The following COL16A1 variants were observed in gnomAD, a reference collection of about 807,000 sequenced individuals.
COL16A1 encodes collagen type XVI alpha 1 chain.
COL16A1 carries 189 observed loss-of-function variants against 266.3 expected under a neutral mutation model. The ratio of observed to expected loss-of-function variants is 0.71; its 90% CI spans 0.63 to 0.80. The LOEUF (loss-of-function observed/expected upper bound fraction) is 0.80. COL16A1 is among the 30% of genes least tolerant of loss of function. COL16A1 has a pLI of 0.00. For missense variants in COL16A1, 1,928 were observed against 2,122.4 expected, an observed-to-expected ratio of 0.91 and a Z score of 1.80; for synonymous variants, 740 against 782.3, an observed-to-expected ratio of 0.95 and a Z score of 0.90.
At chr1:31,682,194 T>C (rs1643695279) in intron 37 of COL16A1, among the ~76,000 whole-genome samples, 1 of 152,194 alleles carries the variant, frequency 6.6e-6, no homozygotes, top group South Asian at 2.1e-4. Context: ...AGGTCTTTGA[T>C]GATTAAAAAT....
chr1:31,654,767 T>G (rs766532682), intron 68 of COL16A1, 25 bp downstream of exon 68: 10 of 1,614,006 alleles, frequency 6.2e-6, no homozygotes, highest in Non-Finnish European at 7.6e-6. Flanking sequence ...CAGCACCCAC[T>G]GCCACCCAGC....
In COL16A1 at chr1:31,668,136, C is replaced by T. The variant is rs2292988; in HGVS notation, c.3303+29G>A. On this transcript the variant is annotated intron_variant, in intron 51 of 70. Transcript: ENST00000373672. This position sits in a 1 kb window ranked among gnomAD's most constrained non-coding sequence, Gnocchi z 5.8. ...GCCCAAACCTCTGGTACCTGGCACC[C>T]ACTCCCCAGCAAGGGTCCCCTTACT... 554,089 of 1,590,786 alleles carry T rather than the reference C, an allele frequency of 0.35. 101,478 individuals carry two copies. Among genetic ancestry groups the T allele is most frequent in the East Asian group, 0.63 (27,860 of 44,376 alleles).
In COL16A1 at chr1:31,663,989, G is replaced by C. The variant is rs901801741; in HGVS notation, c.3555+1183C>G. On this transcript the variant is annotated intron_variant, in intron 56 of 70. Coordinates refer to ENST00000373672, the MANE Select transcript of COL16A1 (RefSeq NM_001856.4). This position sits in a 1 kb window ranked among gnomAD's most constrained non-coding sequence, Gnocchi z 4.9. Reference sequence around the variant, plus strand: ...ACCCAGCAAAGGGGAAAATGAACTCGGGGGCTCTGTAATGCCACCAGCCAC... The same window carrying C: ...ACCCAGCAAAGGGGAAAATGAACTCCGGGGCTCTGTAATGCCACCAGCCAC... Among the ~76,000 whole-genome samples, 1 of 152,150 alleles carries C rather than the reference G, an allele frequency of 6.6e-6. No individual in the cohort carries two copies. The highest frequency in any genetic ancestry group is 1.5e-5 in the Non-Finnish European group (1 of 68,008).
At chr1:31,689,991 C>A (rs1324630737) in intron 22 of COL16A1, 140 bp from the exon 23 acceptor site, 1 of 693,534 alleles carries the variant, frequency 1.4e-6, no homozygotes. Flanking sequence ...AGCAGGAATG[C>A]CGCTGGGGCT....
Position 31,675,322 on chromosome 1 carries a change from G to A in COL16A1, c.2773-11C>T, listed in dbSNP as rs770826996. On this transcript the variant is annotated splice_polypyrimidine_tract_variant and intron_variant, in intron 42 of 70. Transcript: ENST00000373672. ...GTTTCCAGGCACTCCCTGTAGCCAA[G>A]AAGAGACACGAGTGAGTGGGCTCCA... 1 of 1,613,202 alleles carries A rather than the reference G, an allele frequency of 6.2e-7. No homozygotes were observed. The highest frequency in any genetic ancestry group is 8.5e-7 in the Non-Finnish European group (1 of 1,179,692).
Position 31,661,109 on chromosome 1 carries a change from CCA to C in COL16A1, c.3780_3781del (p.Cys1260TrpfsTer17). The C allele has an allele frequency of 1.3e-6, 2 of 1,564,114 alleles. No individual in the cohort carries two copies. Among genetic ancestry groups the C allele is most frequent in the Non-Finnish European group, 1.7e-6 (2 of 1,153,224 alleles). On this transcript the variant is annotated frameshift_variant, in exon 61 of 71. Transcript: ENST00000373672. LOFTEE classifies it high-confidence loss of function. ...AGTGCTGCCAGGGGGACCTGGTTTGCCACAGTCACCCTAGAAGAGAGAGGAGC... is the reference window on the plus strand; with the variant it reads ...AGTGCTGCCAGGGGGACCTGGTTTGCCAGTCACCCTAGAAGAGAGAGGAGC...
In COL16A1 at chr1:31,680,904, CCTT is replaced by C. The variant is rs1212487726; in HGVS notation, c.2608_2610del (p.Lys870del). On this transcript the variant is annotated inframe_deletion and splice_region_variant, in exon 39 of 71. Transcript: ENST00000373672. ...ATGGGTCACAGGCCCTTGGAACTCA[CCTT>C]CTCTCCTCGTGGTCCTTTTTCACCC... 1.2e-6 allele frequency: 2 copies of C among 1,614,078 alleles called. No homozygotes were observed. The highest frequency in any genetic ancestry group is 3.3e-5 in the Admixed American group (2 of 60,012).
At chr1:31,665,696 G>T in intron 54 of COL16A1, 78 bp from the exon 55 acceptor site, 1 of 1,594,252 alleles carries the variant, frequency 6.3e-7, no homozygotes, top group African/African-American at 1.3e-5. Context: ...AAGAGTGACG[G>T]GGGGGGCACC....
intron 23 of COL16A1, 92 bp from the exon 24 acceptor site, chr1:31,689,177 C>A (rs777363377): frequency 8.2e-6 from 13 of 1,591,716 alleles, no homozygotes; most frequent in African/African-American, 5.4e-5. Context: ...ATGTCACACA[C>A]GCAAACCGTC....
intron 57 of COL16A1, 77 bp from the exon 58 acceptor site, chr1:31,662,464 A>C (rs1414522773): frequency 6.4e-7 from 1 of 1,568,874 alleles, no homozygotes; most frequent in African/African-American, 1.4e-5. Flanking sequence ...CAACCCCTCA[A>C]TTCTCTCCAC....
intron 42 of COL16A1, among the ~76,000 whole-genome samples, chr1:31,678,925 A>G (rs1029118599): frequency 2.0e-5 from 3 of 152,000 alleles, no homozygotes; most frequent in African/African-American, 4.8e-5. Flanking sequence ...TTCCCTCACT[A>G]TCTCTGGCTT....
Position 31,679,821 on chromosome 1 carries a change from A to G in COL16A1, c.2701T>C (p.Trp901Arg). ...GAPGLWMGSS[W>R]QPGPQGPPGI... ...CGACACACCTGCGGGCCCGGCTGCC[A>G]GGAGCTGCCCATCCAAAGTCCCGGA... Residue 901 changes from tryptophan to arginine, a missense_variant, in exon 41 of 71, where the codon TGG becomes CGG. Transcript: ENST00000373672. The G allele has an allele frequency of 6.5e-7, 1 of 1,546,570 alleles. No individual in the cohort carries two copies. The highest frequency in any genetic ancestry group is 8.7e-7 in the Non-Finnish European group (1 of 1,148,776).
Position 31,684,623 on chromosome 1 carries a change from G to T in COL16A1, c.2060C>A (p.Ala687Asp). 1 of 1,613,868 alleles carries T rather than the reference G, an allele frequency of 6.2e-7. No homozygotes were observed. The highest frequency in any genetic ancestry group is 8.5e-7 in the Non-Finnish European group (1 of 1,179,938). The change falls in exon 31 of 71, where the codon GCT becomes GAT. Residue 687 changes from alanine (A) to aspartate (D), a missense_variant. By Grantham distance (126) the Ala-to-Asp change is moderately radical (BLOSUM62 -2). This residue lies in a region of COL16A1 where 1,552 missense variants were observed against 1,637.2 expected (regional missense o/e 0.95). Coordinates refer to ENST00000373672, the MANE Select transcript of COL16A1 (RefSeq NM_001856.4). ...ERGLKGQKGD[A>D]GNPGDPGTPG... ...CGTTCCAGGGTCTCCAGGATTCCCA[G>T]CATCACCCTGTAAGGAGTGGGGTTC...
At chr1:31,653,775 A>C (rs1640850609) in intron 69 of COL16A1, 92 bp downstream of exon 69, 1 of 1,569,836 alleles carries the variant, frequency 6.4e-7, no homozygotes, top group Non-Finnish European at 8.7e-7. Context: ...ACACACACAC[A>C]TACATCCCAT....
chr1:31,683,988 G>A lies in COL16A1; in HGVS notation c.2299C>T (p.Pro767Ser), dbSNP rs1259780375. The change falls in exon 33 of 71, where the codon CCA (proline) becomes TCA (serine). Residue 767 changes from proline (P) to serine (S), a missense_variant. This residue lies in a region of COL16A1 where 1,552 missense variants were observed against 1,637.2 expected (regional missense o/e 0.95). Coordinates refer to ENST00000373672, the MANE Select transcript of COL16A1 (RefSeq NM_001856.4). ...RPGKPGQPGL[P>S]GVQGPPGLKG... ...AGTCCTGGGGGCCCTTGAACTCCTG[G>A]TAGACCGGGTTGGCCCTAAAAGGCA... is the stretch of plus-strand genomic sequence containing the variant. 5.6e-6 allele frequency: 9 copies of A among 1,614,074 alleles called. No homozygotes were observed. Among genetic ancestry groups the A allele is most frequent in the Non-Finnish European group, 6.8e-6 (8 of 1,180,040 alleles).
rs980712008 is a variant in COL16A1 at position 31,668,083 on chromosome 1, G to C, written c.3303+82C>G. ...GGTAATGGGGAGCCCGCCGAGGGTT[G>C]CCCAGCCTGGCTGTGTCCTGACCAC... On this transcript the variant is annotated intron_variant, in intron 51 of 70. Coordinates refer to ENST00000373672, the MANE Select transcript of COL16A1 (RefSeq NM_001856.4). The surrounding 1 kb of genome is among the most constrained non-coding windows in gnomAD (Gnocchi z 5.8). 18 of 1,288,762 alleles carry C rather than the reference G, an allele frequency of 1.4e-5. No individual in the cohort carries two copies. The African/African-American group carries it at 2.7e-4, about 19-fold the overall frequency. The allele number at this position is 1,288,762 out of a possible 1,614,324, so 79.8% of individuals were successfully genotyped here.
chr1:31,698,339 G>A lies in COL16A1; in HGVS notation c.390+144C>T. ...CTATACATCCTGAAAGAATGAGGTA[G>A]GTACTGGTGGGCTGGGGACAGGCTT... On this transcript the variant is annotated intron_variant, in intron 5 of 70. Coordinates refer to ENST00000373672, the MANE Select transcript of COL16A1 (RefSeq NM_001856.4). The surrounding 1 kb of genome is among the most constrained non-coding windows in gnomAD (Gnocchi z 4.1). The A allele has an allele frequency of 2.0e-6, 3 of 1,521,004 alleles. No individual in the cohort carries two copies. Among genetic ancestry groups the A allele is most frequent in the Non-Finnish European group, 2.7e-6 (3 of 1,128,924 alleles). The allele number at this position is 1,521,004 out of a possible 1,614,324, so 94.2% of individuals were successfully genotyped here.
rs1307107912 is a variant in COL16A1, at chr1:31,664,166, AG to A, written c.3555+1005del. ...GTCCTGGGGAGGGGAAGGAAGGGGA[AG>A]GGGAAGGGGAAGGGGAAGGGGAAGG... On this transcript the variant is annotated intron_variant, in intron 56 of 70. Transcript: ENST00000373672. The surrounding 1 kb of genome is among the most constrained non-coding windows in gnomAD (Gnocchi z 5.5). Among the ~76,000 whole-genome samples the A allele has an allele frequency of 1.2e-4, 2 of 17,212 alleles. No homozygotes were observed. The highest frequency in any genetic ancestry group is 2.9e-3 in the Non-Finnish European group (2 of 684). 11.3% of individuals were successfully genotyped at this position (17,212 alleles called of 152,430 possible).
In COL16A1 at chr1:31,662,647, C is replaced by T. The variant is rs781403235; in HGVS notation, c.3567G>A (p.Gly1189=). ...PGPQAEKGSE[G]IRGPSGLPGS... ...CAGGCAGGCCTGATGGGCCTCGAATCCCTTCGCTGCCCTGGAAACCAGCGC... is the reference window on the plus strand; with the variant it reads ...CAGGCAGGCCTGATGGGCCTCGAATTCCTTCGCTGCCCTGGAAACCAGCGC... Residue 1189 remains glycine (G), a synonymous_variant, in exon 57 of 71, where the codon GGG becomes GGA. Coordinates refer to ENST00000373672, the MANE Select transcript of COL16A1 (RefSeq NM_001856.4). 31 of 1,549,160 alleles carry T rather than the reference C, an allele frequency of 2.0e-5. No individual in the cohort carries two copies. Among genetic ancestry groups the T allele is most frequent in the Middle Eastern group, 2.3e-4 (1 of 4,416 alleles).
Sources: allele counts gnomAD v4.1 joint callset (sites outside exome capture counted in the v4.1 genomes callset), GRCh38; gene constraint gnomAD v4.1.1; regional missense constraint gnomAD v4.1.1; non-coding constraint Gnocchi (gnomAD v3.1); transcripts MANE v1.5; gene names NCBI Gene and HGNC (gene_info 2026-07-23, HGNC 2026-07-21).